Variants in PPM1H observed in about 807,000 individuals in gnomAD.
PPM1H encodes the protein protein phosphatase 1H.
In PPM1H, 27 loss-of-function variants were observed where a neutral mutation model predicts 54.9. The observed-to-expected ratio is 0.49, with a 90% confidence interval of 0.36 to 0.68. PPM1H has a LOEUF of 0.68. PPM1H is among the 30% of genes least tolerant of loss of function. The probability of loss-of-function intolerance (pLI) is 0.00; values close to 1 mark genes in which losing one functional copy is unlikely to be tolerated. For synonymous variants in PPM1H, 305 were observed against 270.8 expected, an observed-to-expected ratio of 1.13 and a Z score of -1.24; for missense variants, 596 against 667.8, an observed-to-expected ratio of 0.89 and a Z score of 1.19.
chr12:62,695,370 G>A (rs1385798440), intron 6 of PPM1H, among the ~76,000 whole-genome samples: 1 of 152,048 alleles, frequency 6.6e-6, no homozygotes, highest in Non-Finnish European at 1.5e-5. Flanking sequence ...CAAAATCTGG[G>A]GCTCATTCGT....
In PPM1H at chr12:62,788,155, AT is replaced by A; in HGVS notation, c.869+70del. ...GTCTTTAATTATTTCTAATCATTTA[AT>A]TTTTGAGACAAAATAAAAACATCAG... On this transcript the variant is annotated intron_variant, in intron 4 of 9. Coordinates refer to ENST00000228705, the MANE Select transcript of PPM1H (RefSeq NM_020700.2). 4 of 1,051,806 alleles carry A rather than the reference AT, an allele frequency of 3.8e-6. No homozygotes were observed. The South Asian group carries it at 4.2e-5, about 11-fold the overall frequency. 65.2% of individuals were successfully genotyped at this position (1,051,806 alleles called of 1,614,324 possible).
At chr12:62,659,708 T>C (rs2075871949) in intron 9 of PPM1H, among the ~76,000 whole-genome samples, 2 of 152,350 alleles carry the variant, frequency 1.3e-5, no homozygotes, top group East Asian at 3.9e-4. Context: ...TCAGGCCTCA[T>C]TCCCTGCCTC....
At chr12:62,805,765 A>T (rs1408970620) in intron 2 of PPM1H, among the ~76,000 whole-genome samples, 4 of 152,178 alleles carry the variant, frequency 2.6e-5, no homozygotes, top group Non-Finnish European at 4.4e-5. Context: ...AGTTCTGGGG[A>T]TCGAATGTAC....
intron 6 of PPM1H, among the ~76,000 whole-genome samples, chr12:62,702,614 T>C (rs1293409271): frequency 1.3e-5 from 2 of 151,014 alleles, no homozygotes; most frequent in African/African-American, 4.9e-5. Flanking sequence ...CTTAATTCCC[T>C]TAGCAAGACT....
intron 1 of PPM1H, among the ~76,000 whole-genome samples, chr12:62,878,643 A>G (rs1870271107): frequency 6.7e-6 from 1 of 149,324 alleles, no homozygotes; most frequent in Admixed American, 6.6e-5. Context: ...AAAAAAAAAA[A>G]AAAAAAAAAA....
intron 4 of PPM1H, among the ~76,000 whole-genome samples, chr12:62,770,128 A>AT (rs973015011): frequency 1.5e-4 from 19 of 124,640 alleles, no homozygotes; most frequent in South Asian, 1.3e-3. Context: ...CCTAGTTTTT[A>AT]TTTTTTTTCC....
Position 62,869,728 on chromosome 12 carries a change from C to T in PPM1H, c.246-37449G>A, listed in dbSNP as rs761543711. Among the ~76,000 whole-genome samples, 10 of 152,198 alleles carry T rather than the reference C, an allele frequency of 6.6e-5. 1 individual carries two copies. Among genetic ancestry groups the T allele is most frequent in the Admixed American group, 2.0e-4 (3 of 15,278 alleles). ...AAAGTTCCGTAACCTGGCCTGAAAC[C>T]GTGTATGAGCTAACCCCTGCCTCCA... On this transcript the variant is annotated intron_variant, in intron 1 of 9. Coordinates refer to ENST00000228705, the MANE Select transcript of PPM1H (RefSeq NM_020700.2).
intron 1 of PPM1H, among the ~76,000 whole-genome samples, chr12:62,920,347 G>A (rs181443629): frequency 6.6e-6 from 1 of 151,946 alleles, no homozygotes; most frequent in Non-Finnish European, 1.5e-5. Flanking sequence ...TTGTTGTTGA[G>A]ACAGGGTCTC....
chr12:62,856,415 C>T (rs895198287), intron 1 of PPM1H, among the ~76,000 whole-genome samples: 27 of 152,142 alleles, frequency 1.8e-4, no homozygotes, highest in African/African-American at 6.5e-4. Context: ...TCTTTTGTTG[C>T]CTGATGCCCA....
chr12:62,700,820 T>A (rs1480048567), intron 6 of PPM1H, among the ~76,000 whole-genome samples: 1 of 152,192 alleles, frequency 6.6e-6, no homozygotes. Context: ...CTGAAACCCA[T>A]CAAAGGTTTT....
At chr12:62,894,793 A>T (rs1207992522) in intron 1 of PPM1H, among the ~76,000 whole-genome samples, 1 of 152,170 alleles carries the variant, frequency 6.6e-6, no homozygotes, top group African/African-American at 2.4e-5. Context: ...ACATGTTGGG[A>T]GGCCAAAGAG....
At chr12:62,792,155 T>C (rs1204919178) in intron 3 of PPM1H, among the ~76,000 whole-genome samples, 2 of 152,224 alleles carry the variant, frequency 1.3e-5, no homozygotes, top group African/African-American at 4.8e-5. Context: ...TCATGGTTTC[T>C]ATCACAAGAA....
intron 9 of PPM1H, among the ~76,000 whole-genome samples, chr12:62,651,410 C>T (rs752678638): frequency 1.4e-4 from 21 of 152,108 alleles, no homozygotes; most frequent in Non-Finnish European, 2.1e-4. Context: ...AAATGACTGG[C>T]TTTATTAGAG....
chr12:62,644,942 A>G lies in PPM1H; in HGVS notation c.*3547T>C, dbSNP rs2075777102. ...ACTTACTGAAAATAGAATCTCATCA[A>G]AGCTTAACATATTCACTCTGAAAAC... On this transcript the variant is annotated 3_prime_UTR_variant, in exon 10 of 10. Transcript: ENST00000228705. 1 of 152,206 alleles carries G rather than the reference A, an allele frequency of 6.6e-6. No individual in the cohort carries two copies. Among genetic ancestry groups the G allele is most frequent in the Admixed American group, 6.5e-5 (1 of 15,282 alleles). 9.4% of individuals were successfully genotyped at this position (152,206 alleles called of 1,614,324 possible).
chr12:62,774,846 A>T, intron 4 of PPM1H, among the ~76,000 whole-genome samples: 1 of 152,176 alleles, frequency 6.6e-6, no homozygotes, highest in East Asian at 1.9e-4. Flanking sequence ...AATCTCAGAA[A>T]CGGAGGAGGT....
chr12:62,742,248 A>C (rs1243619264), intron 4 of PPM1H, among the ~76,000 whole-genome samples: 1 of 152,230 alleles, frequency 6.6e-6, no homozygotes, highest in Non-Finnish European at 1.5e-5. Context: ...TATGTACAGA[A>C]CATTTTTTCA....
At chr12:62,856,237 T>C (rs1299937690) in intron 1 of PPM1H, among the ~76,000 whole-genome samples, 2 of 152,152 alleles carry the variant, frequency 1.3e-5, no homozygotes, top group East Asian at 3.9e-4. Context: ...AAATCTAGCT[T>C]TCTTGGTCTC....
At chr12:62,817,119 A>T (rs1172895585) in intron 2 of PPM1H, among the ~76,000 whole-genome samples, 1 of 99,956 alleles carries the variant, frequency 1.0e-5, no homozygotes, top group Non-Finnish European at 2.0e-5. Flanking sequence ...GCATTACTAA[A>T]AAAAAAAAAA....
At chr12:62,899,806 T>G (rs1030367176) in intron 1 of PPM1H, among the ~76,000 whole-genome samples, 2 of 152,196 alleles carry the variant, frequency 1.3e-5, no homozygotes, top group African/African-American at 4.8e-5. Flanking sequence ...AGGACTAAAG[T>G]AGTCTAGGCT....
Sources: gnomAD v4.1 joint callset for allele counts (sites outside exome capture counted in the v4.1 genomes callset) on GRCh38, gnomAD v4.1.1 for gene constraint, MANE v1.5 for transcripts, NCBI Gene and HGNC (gene_info 2026-07-23, HGNC 2026-07-21) for gene names.